The following PRDM6 variants were observed in gnomAD, a reference collection of about 807,000 sequenced individuals.
PRDM6 encodes PR/SET domain 6.
PRDM6 carries 25 observed loss-of-function variants against 60.8 expected under a neutral mutation model. The observed-to-expected ratio is 0.41, with a 90% CI of 0.30 to 0.57. The LOEUF is 0.57. Ranked by LOEUF, PRDM6 falls within the 20% of genes least tolerant of loss-of-function variation. The probability of loss-of-function intolerance (pLI) is 0.27; values close to 1 mark genes in which losing one functional copy is unlikely to be tolerated. For missense variants in PRDM6, 839 were observed against 821.3 expected (o/e 1.02, Z -0.26); for synonymous variants, 407 against 357.4 (o/e 1.14, Z -1.57).
intron 3 of PRDM6, among the ~76,000 whole-genome samples, chr5:123,144,855 A>G (rs945075699): frequency 6.6e-6 from 1 of 152,178 alleles, no homozygotes; most frequent in Non-Finnish European, 1.5e-5. Context: ...GCAGAGAGAC[A>G]TGGCCCGGCC....
intron 3 of PRDM6, among the ~76,000 whole-genome samples, chr5:123,105,077 C>G (rs904388547): frequency 6.6e-6 from 1 of 152,206 alleles, no homozygotes; most frequent in African/African-American, 2.4e-5. Flanking sequence ...GCTGCAAACA[C>G]TTTATAAAGA....
chr5:123,142,877 CAAAAAAAAAAA>C, intron 3 of PRDM6, among the ~76,000 whole-genome samples: 4 of 27,368 alleles, frequency 1.5e-4, no homozygotes, highest in African/African-American at 5.0e-4. Context: ...CAGTGAAGAC[CAAAAAAAAAAA>C]AAAAAAAAAA....
rs1317528110 is a variant in PRDM6, at chr5:123,189,054, A to G, written c.*1853A>G. 1.3e-5 allele frequency: 2 copies of G among 152,210 alleles called. No individual in the cohort carries two copies. Among genetic ancestry groups the G allele is most frequent in the Non-Finnish European group, 2.9e-5 (2 of 68,034 alleles). The allele number at this position is 152,210 out of a possible 1,614,324, so 9.4% of individuals were successfully genotyped here. ...CTCCAGTTCTTACTATCTCCTGGTC[A>G]TGAAAGTAGTAAGGAATCTATGCTG... On this transcript the variant is annotated 3_prime_UTR_variant, in exon 8 of 8. Coordinates refer to ENST00000407847, the MANE Select transcript of PRDM6 (RefSeq NM_001136239.4).
At chr5:123,120,024 C>T (rs1386238367) in intron 3 of PRDM6, among the ~76,000 whole-genome samples, 1 of 151,992 alleles carries the variant, frequency 6.6e-6, no homozygotes, top group Non-Finnish European at 1.5e-5. Flanking sequence ...CGTCCTCTCT[C>T]CTAGAATGCT....
intron 4 of PRDM6, among the ~76,000 whole-genome samples, chr5:123,159,225 AT>A (rs1353334107): frequency 6.6e-6 from 1 of 152,090 alleles, no homozygotes; most frequent in Non-Finnish European, 1.5e-5. Flanking sequence ...GTGAGATGAA[AT>A]TTTTTTAAAA....
At position 123,099,674 on chromosome 5, in the gene PRDM6, A is replaced by T. The variant is rs1764051229; in HGVS notation, c.613A>T (p.Asn205Tyr). ...PNNRCDMCAD[N>Y]RNGECPMHGP... Reference sequence around the variant, plus strand: ...CGCAGGTTGCGACATGTGCGCGGACAACCGCAACGGCGAGTGCCCTATGCA... The same window carrying T: ...CGCAGGTTGCGACATGTGCGCGGACTACCGCAACGGCGAGTGCCCTATGCA... The change falls in exon 3 of 8, where the codon AAC (asparagine) becomes TAC (tyrosine). Residue 205 changes from asparagine to tyrosine, a missense_variant. By Grantham distance (143) the Asn-to-Tyr change is moderately radical (BLOSUM62 -2). This residue lies in a region of PRDM6 where 730 missense variants were observed against 648.8 expected (regional missense o/e 1.13). Transcript: ENST00000407847. The surrounding 1 kb of genome is among the most constrained non-coding windows in gnomAD (Gnocchi z 4.0). The T allele has an allele frequency of 1.4e-6, 2 of 1,468,554 alleles. No individual in the cohort carries two copies. Among genetic ancestry groups the T allele is most frequent in the Non-Finnish European group, 1.8e-6 (2 of 1,106,370 alleles). The allele number at this position is 1,468,554 out of a possible 1,614,324, so 91.0% of individuals were successfully genotyped here. A position where few individuals can be genotyped will look rare whatever the true frequency, so the allele number is the denominator to read the frequency against.
At position 123,187,825 on chromosome 5, in the gene PRDM6, G is replaced by A. The variant is rs1358547249; in HGVS notation, c.*624G>A. 1.3e-5 allele frequency: 2 copies of A among 152,242 alleles called. No individual in the cohort carries two copies. Among genetic ancestry groups the A allele is most frequent in the Admixed American group, 1.3e-4 (2 of 15,284 alleles). The allele number at this position is 152,242 out of a possible 1,614,324, so 9.4% of individuals were successfully genotyped here. The stretch of plus-strand genomic sequence containing the variant: ...TCCAAACAGCCCGGTCTTGATGCAG[G>A]AGAGTCTGGAAAAGGAAGAAAATGG... On this transcript the variant is annotated 3_prime_UTR_variant, in exon 8 of 8. Transcript: ENST00000407847.
chr5:123,128,325 A>T (rs764922928), intron 3 of PRDM6, among the ~76,000 whole-genome samples: 2 of 152,212 alleles, frequency 1.3e-5, no homozygotes, highest in Non-Finnish European at 2.9e-5. Flanking sequence ...CTAGTTCCAG[A>T]TCCTTGAGGA....
chr5:123,132,497 GT>G (rs1485228073), intron 3 of PRDM6, among the ~76,000 whole-genome samples: 1 of 151,984 alleles, frequency 6.6e-6, no homozygotes, highest in Non-Finnish European at 1.5e-5. Flanking sequence ...GGGTTTCCTT[GT>G]TTAGTTTTTC....
chr5:123,123,963 A>G (rs1049452567), intron 3 of PRDM6, among the ~76,000 whole-genome samples: 23 of 147,394 alleles, frequency 1.6e-4, no homozygotes, highest in African/African-American at 5.2e-4. Flanking sequence ...TGGAGAATCC[A>G]TGGTTTAGAG....
At chr5:123,141,338 G>A (rs1413619544) in intron 3 of PRDM6, among the ~76,000 whole-genome samples, 1 of 151,812 alleles carries the variant, frequency 6.6e-6, no homozygotes, top group Non-Finnish European at 1.5e-5. Flanking sequence ...TTAATATCTT[G>A]GCATTTATGT....
intron 3 of PRDM6, among the ~76,000 whole-genome samples, chr5:123,115,588 A>G (rs2150215153): frequency 6.6e-6 from 1 of 152,342 alleles, no homozygotes; most frequent in African/African-American, 2.4e-5. Context: ...AATATTTTAA[A>G]AAGAAAAAAA....
chr5:123,189,867 T>G lies in PRDM6; in HGVS notation c.*2666T>G, dbSNP rs1766372685. ...GAAGCAGGTACTGAGATCATTTGGG[T>G]CCAAAATGATTTTAATCTAAGTGTA... On this transcript the variant is annotated 3_prime_UTR_variant, in exon 8 of 8. Transcript: ENST00000407847. 6.6e-6 allele frequency: 1 copy of G among 152,204 alleles called. No homozygotes were observed. Among genetic ancestry groups the G allele is most frequent in the Admixed American group, 6.5e-5 (1 of 15,282 alleles). 9.4% of individuals were successfully genotyped at this position (152,204 alleles called of 1,614,324 possible). A position where few individuals can be genotyped will look rare whatever the true frequency, so the allele number is the denominator to read the frequency against.
rs1766330543 is a variant in PRDM6 at position 123,188,076 on chromosome 5, A to C, written c.*875A>C. ...AGATAAGGTGTTAGGCTTCATTGTA[A>C]TTTTTTTAGTTGTTTCTGTGAAAGT... On this transcript the variant is annotated 3_prime_UTR_variant, in exon 8 of 8. Coordinates refer to ENST00000407847, the MANE Select transcript of PRDM6 (RefSeq NM_001136239.4). 1 of 152,032 alleles carries C rather than the reference A, an allele frequency of 6.6e-6. No individual in the cohort carries two copies. The highest frequency in any genetic ancestry group is 1.5e-5 in the Non-Finnish European group (1 of 67,990). The allele number at this position is 152,032 out of a possible 1,614,324, so 9.4% of individuals were successfully genotyped here.
Position 123,188,547 on chromosome 5 carries a change from A to G in PRDM6, c.*1346A>G, listed in dbSNP as rs1463371301. 6.6e-6 allele frequency: 1 copy of G among 152,166 alleles called. No homozygotes were observed. Among genetic ancestry groups the G allele is most frequent in the Non-Finnish European group, 1.5e-5 (1 of 68,030 alleles). The allele number at this position is 152,166 out of a possible 1,614,324, so 9.4% of individuals were successfully genotyped here. A position where few individuals can be genotyped will look rare whatever the true frequency, so the allele number is the denominator to read the frequency against. ...GATAGCTCCCAGCAGCATCTCAGCGACTGTCTACCTTGATGGCCAGTTTAG... is the reference window on the plus strand; with the variant it reads ...GATAGCTCCCAGCAGCATCTCAGCGGCTGTCTACCTTGATGGCCAGTTTAG... On this transcript the variant is annotated 3_prime_UTR_variant, in exon 8 of 8. Coordinates refer to ENST00000407847, the MANE Select transcript of PRDM6 (RefSeq NM_001136239.4).
At chr5:123,137,457 G>C (rs183177365) in intron 3 of PRDM6, among the ~76,000 whole-genome samples, 41 of 152,332 alleles carry the variant, frequency 2.7e-4, no homozygotes, top group Admixed American at 5.2e-4. Context: ...CCAGTGCAGT[G>C]TCTTGCTTCT....
At chr5:123,177,457 TTTTTCAATG>T (rs1261357089) in intron 6 of PRDM6, among the ~76,000 whole-genome samples, 1 of 152,214 alleles carries the variant, frequency 6.6e-6, no homozygotes, top group Non-Finnish European at 1.5e-5. Flanking sequence ...TAAAATCTTA[TTTTTCAATG>T]TACCTAAGAA....
chr5:123,089,905 C>T, intron 1 of PRDM6, 95 bp from the exon 2 acceptor site: 2 of 943,318 alleles, frequency 2.1e-6, no homozygotes, highest in Non-Finnish European at 1.5e-6. Context: ...GGCTGAACCA[C>T]CGGCTCGGGC....
rs549198067 is a variant in PRDM6, at chr5:123,144,989, A to G, written c.901-10895A>G. On this transcript the variant is annotated intron_variant, in intron 3 of 7. Transcript: ENST00000407847. ...CCAAACAACCAACCAACTGACAGAC[A>G]TTCCCAACACAAGGCACTATATGCC... Among the ~76,000 whole-genome samples, 7 of 152,324 alleles carry G rather than the reference A, an allele frequency of 4.6e-5. No individual in the cohort carries two copies. In the South Asian group the frequency reaches 1.5e-3, roughly 32 times the overall value.
Sources: gnomAD v4.1 joint callset for allele counts (sites outside exome capture counted in the v4.1 genomes callset) on GRCh38, gnomAD v4.1.1 for gene constraint, gnomAD v4.1.1 regional missense constraint, Gnocchi (gnomAD v3.1) non-coding constraint, MANE v1.5 for transcripts, NCBI Gene and HGNC (gene_info 2026-07-23, HGNC 2026-07-21) for gene names.